Variants in ZNF565 observed in about 807,000 individuals in gnomAD.
ZNF565 encodes the protein zinc finger protein 565.
ZNF565 carries 27 observed loss-of-function variants against 39.4 expected under a neutral mutation model. The observed-to-expected ratio is 0.69, with a 90% CI of 0.51 to 0.95. ZNF565 has a LOEUF of 0.95. Among genes scored for constraint, ZNF565 ranks in the 40% least tolerant of loss-of-function variants. ZNF565 has a pLI of 0.00. For synonymous variants in ZNF565, 185 were observed against 216.6 expected (o/e 0.85, Z 1.28); for missense variants, 524 against 621.1 (o/e 0.84, Z 1.66).
chr19:36,200,845 C>T (rs1483564963), intron 2 of ZNF565, among the ~76,000 whole-genome samples: 2 of 151,798 alleles, frequency 1.3e-5, no homozygotes, highest in African/African-American at 4.8e-5. Context: ...AGTGCAGTGG[C>T]GTGATCTCTG....
rs775517277 is a variant in ZNF565, at chr19:36,207,592, AAAAAGAAAAG to A, written c.-65-5552_-65-5543del. Among the ~76,000 whole-genome samples, 8 of 152,214 alleles carry A rather than the reference AAAAAGAAAAG, an allele frequency of 5.3e-5. No homozygotes were observed. The East Asian group carries it at 7.7e-4, about 15-fold the overall frequency. ...AACAACAAAACAAACAAACAACAAC[AAAAAGAAAAG>A]AAAAGAAAAGAAATGGGTCTTAGCC... On this transcript the variant is annotated intron_variant, in intron 1 of 4. Transcript: ENST00000304116.
At chr19:36,213,053 T>G (rs776970241) in intron 1 of ZNF565, 1 of 148,746 alleles carries the variant, frequency 6.7e-6, no homozygotes, top group Non-Finnish European at 1.5e-5. Flanking sequence ...ACACCAGGCA[T>G]CTGCCTAAAT....
chr19:36,199,129 G>A (rs1214016280), intron 2 of ZNF565, among the ~76,000 whole-genome samples: 3 of 152,168 alleles, frequency 2.0e-5, no homozygotes, highest in Non-Finnish European at 4.4e-5. Flanking sequence ...TTTATTATAC[G>A]CTTGCTAATA....
At chr19:36,234,246 T>C (rs986676555) in intron 1 of ZNF565, among the ~76,000 whole-genome samples, 3 of 152,222 alleles carry the variant, frequency 2.0e-5, no homozygotes, top group Middle Eastern at 3.2e-3. Context: ...ATAATTTTTC[T>C]TAGTACAGAA....
chr19:36,206,593 G>A (rs1976164396), intron 1 of ZNF565, among the ~76,000 whole-genome samples: 1 of 152,222 alleles, frequency 6.6e-6, no homozygotes, highest in East Asian at 1.9e-4. Context: ...CACTTTGGGA[G>A]GGCGAGGCAC....
At chr19:36,227,987 T>G (rs1289968180) in intron 1 of ZNF565, among the ~76,000 whole-genome samples, 1 of 151,838 alleles carries the variant, frequency 6.6e-6, no homozygotes, top group Non-Finnish European at 1.5e-5. Context: ...ATGGTGAAAC[T>G]CTGTCTCTAC....
At chr19:36,223,414 A>G (rs1042897709) in intron 1 of ZNF565, among the ~76,000 whole-genome samples, 5 of 151,492 alleles carry the variant, frequency 3.3e-5, no homozygotes, top group African/African-American at 1.2e-4. Flanking sequence ...CCAGGCTGGA[A>G]TGCAGTGGTG....
chr19:36,241,565 G>A (rs1419736879), intron 1 of ZNF565, among the ~76,000 whole-genome samples: 1 of 151,862 alleles, frequency 6.6e-6, no homozygotes, highest in Non-Finnish European at 1.5e-5. Context: ...AGCGGAGGCG[G>A]GTGGATCACC....
chr19:36,194,905 T>C (rs1183770529), intron 3 of ZNF565, 125 bp downstream of exon 3: 3 of 1,456,486 alleles, frequency 2.1e-6, no homozygotes, highest in East Asian at 4.6e-5. Flanking sequence ...ATGGCTGTAG[T>C]TTGTAGCGTC....
intron 1 of ZNF565, among the ~76,000 whole-genome samples, chr19:36,211,447 TCTCACACACACACACA>T (rs1245225183): frequency 9.1e-6 from 1 of 109,982 alleles, no homozygotes; most frequent in African/African-American, 3.8e-5. Flanking sequence ...TCCAACTCTC[TCTCACACACACACACA>T]CACACACACA....
At chr19:36,187,132 G>C (rs1011840376) in intron 4 of ZNF565, among the ~76,000 whole-genome samples, 1 of 151,870 alleles carries the variant, frequency 6.6e-6, no homozygotes, top group African/African-American at 2.4e-5. Context: ...GGAGGTTGCG[G>C]TGAGCCAATA....
chr19:36,198,470 A>G (rs1975843040), intron 2 of ZNF565, among the ~76,000 whole-genome samples: 1 of 152,200 alleles, frequency 6.6e-6, no homozygotes, highest in Admixed American at 6.6e-5. Context: ...AAGGATGATT[A>G]CTGAAGGCTG....
intron 1 of ZNF565, among the ~76,000 whole-genome samples, chr19:36,223,144 C>T (rs1021591379): frequency 2.0e-5 from 3 of 151,604 alleles, no homozygotes; most frequent in Admixed American, 6.6e-5. Flanking sequence ...TGGCTGGGCG[C>T]GATGGCTCAC....
At chr19:36,216,595 T>G (rs557660745), upstream of ZNF565, among the ~76,000 whole-genome samples, 4 of 114,570 alleles carry the variant, frequency 3.5e-5, no homozygotes, top group Non-Finnish European at 7.8e-5. Context: ...GAGGCGGAGG[T>G]TGCAGTGAGC....
At chr19:36,194,868 C>CA (rs1353152444) in intron 3 of ZNF565, 162 bp downstream of exon 3, 2 of 1,058,984 alleles carry the variant, frequency 1.9e-6, no homozygotes, top group African/African-American at 3.1e-5. Context: ...GAAGTAGCTA[C>CA]AGCTATTGCT....
At chr19:36,210,288 G>A (rs766784085) in intron 1 of ZNF565, among the ~76,000 whole-genome samples, 64 of 151,652 alleles carry the variant, frequency 4.2e-4, no homozygotes, top group Non-Finnish European at 7.7e-4. Flanking sequence ...GCTGGGCGAG[G>A]TGGTGGGCGC....
chr19:36,191,609 A>C (rs1417424511), intron 4 of ZNF565, among the ~76,000 whole-genome samples: 2 of 152,176 alleles, frequency 1.3e-5, no homozygotes, highest in Admixed American at 1.3e-4. Flanking sequence ...AGCCTGAACG[A>C]TTCGAGCAAT....
At chr19:36,195,765 C>G (rs1042982501) in intron 2 of ZNF565, among the ~76,000 whole-genome samples, 1 of 145,584 alleles carries the variant, frequency 6.9e-6, no homozygotes, top group Non-Finnish European at 1.5e-5. Context: ...AGGCTGGTCT[C>G]GATCTCCTGA....
chr19:36,199,194 GAGGGTATAC>G (rs1975867895), intron 2 of ZNF565, among the ~76,000 whole-genome samples: 1 of 152,188 alleles, frequency 6.6e-6, no homozygotes, highest in Admixed American at 6.6e-5. Flanking sequence ...AAAGCTGATG[GAGGGTATAC>G]CTGAGTTACA....
Sources: gnomAD v4.1 joint callset for allele counts (sites outside exome capture counted in the v4.1 genomes callset) on GRCh38, gnomAD v4.1.1 for gene constraint, MANE v1.5 for transcripts, NCBI Gene and HGNC (gene_info 2026-07-23, HGNC 2026-07-21) for gene names.